CYP4Z1: variants seen among roughly 807,000 people sequenced by gnomAD.
CYP4Z1 encodes cytochrome P450 4Z1.
A neutral mutation model predicts 54.2 loss-of-function variants in CYP4Z1; 41 were observed. That is an observed-to-expected ratio of 0.76 (90% confidence interval 0.59 to 0.98). CYP4Z1 has a LOEUF of 0.98. CYP4Z1 is among the 50% of genes least tolerant of loss of function. CYP4Z1 has a pLI of 0.00. For missense variants in CYP4Z1, 513 were observed against 599.0 expected (o/e 0.86, Z 1.50); for synonymous variants, 163 against 206.2 (o/e 0.79, Z 1.79).
chr1:47,112,612 C>G lies in CYP4Z1; in HGVS notation c.1202-2917C>G, dbSNP rs111704906. Among the ~76,000 whole-genome samples, 831 of 152,144 alleles carry G rather than the reference C, an allele frequency of 5.5e-3. 8 individuals carry two copies. Among genetic ancestry groups the G allele is most frequent in the African/African-American group, 0.019 (787 of 41,512 alleles). Reference sequence around the variant, plus strand: ...TAAATAAAATATTAGTACACATAATCCAATAGCTCATTGAAATAAATGTAT... The same window carrying G: ...TAAATAAAATATTAGTACACATAATGCAATAGCTCATTGAAATAAATGTAT... On this transcript the variant is annotated intron_variant, in intron 9 of 11. Transcript: ENST00000334194.
chr1:47,058,306 GTCCTTGCTC>G, the CYP4Z1 span, among the ~76,000 whole-genome samples: 4 of 151,914 alleles, frequency 2.6e-5, no homozygotes, highest in African/African-American at 7.3e-5. Flanking sequence ...TTAAAATGGT[GTCCTTGCTC>G]CAATAAAGAC....
chr1:47,079,287 C>T (rs1644546999), intron 2 of CYP4Z1, among the ~76,000 whole-genome samples: 2 of 152,250 alleles, frequency 1.3e-5, no homozygotes, highest in African/African-American at 4.8e-5. Context: ...TCTTTTCTAT[C>T]CTTTTTCAGT....
At chr1:47,060,333 G>A in the CYP4Z1 span, among the ~76,000 whole-genome samples, 1 of 152,104 alleles carries the variant, frequency 6.6e-6, no homozygotes, top group Non-Finnish European at 1.5e-5. Flanking sequence ...AACATAATGA[G>A]ACTCATAGGT....
chr1:47,065,493 G>A (rs1319182181), upstream of CYP4Z1, among the ~76,000 whole-genome samples: 1 of 152,008 alleles, frequency 6.6e-6, no homozygotes, highest in African/African-American at 2.4e-5. Flanking sequence ...AACAATAATA[G>A]TGACACAACC....
intron 2 of CYP4Z1, among the ~76,000 whole-genome samples, chr1:47,076,848 A>AAAAAAAAAAAAAAAAAAAAAAAAG (rs1644527408): frequency 6.9e-6 from 1 of 145,802 alleles, no homozygotes; most frequent in Non-Finnish European, 1.5e-5. Context: ...CTGTCTCAAA[A>AAAAAAAAAAAAAAAAAAAAAAAAG]AAAAAAAAAA....
intron 7 of CYP4Z1, among the ~76,000 whole-genome samples, chr1:47,095,173 C>T (rs1373495233): frequency 6.6e-5 from 10 of 152,126 alleles, no homozygotes; most frequent in Non-Finnish European, 1.3e-4. Context: ...CCTTCTTCCT[C>T]GACATGTGGT....
the CYP4Z1 span, among the ~76,000 whole-genome samples, chr1:47,061,769 T>C: frequency 1.3e-5 from 2 of 152,298 alleles, no homozygotes; most frequent in East Asian, 3.9e-4. Flanking sequence ...TGAACATTGA[T>C]GCAAAAATCT....
chr1:47,064,848 A>G (rs915371017), upstream of CYP4Z1, among the ~76,000 whole-genome samples: 4 of 152,194 alleles, frequency 2.6e-5, no homozygotes, highest in Non-Finnish European at 5.9e-5. Flanking sequence ...GGTAAGTGGA[A>G]AAAGATATTC....
chr1:47,069,292 T>C (rs1267465803), intron 2 of CYP4Z1, among the ~76,000 whole-genome samples: 3 of 152,262 alleles, frequency 2.0e-5, no homozygotes, highest in Admixed American at 2.0e-4. Flanking sequence ...CGTGGCAAGA[T>C]GTGTGTAGGA....
At chr1:47,096,881 C>G (rs1162539583) in intron 7 of CYP4Z1, 1 of 152,198 alleles carries the variant, frequency 6.6e-6, no homozygotes, top group Non-Finnish European at 1.5e-5. Flanking sequence ...CTGCCCGCCT[C>G]AGCCTCCCAA....
At chr1:47,077,625 ATT>A (rs879925723) in intron 2 of CYP4Z1, among the ~76,000 whole-genome samples, 2 of 144,846 alleles carry the variant, frequency 1.4e-5, no homozygotes, top group African/African-American at 2.5e-5. Flanking sequence ...TATATGTCTT[ATT>A]TTTTTTTTTT....
chr1:47,113,366 G>A (rs1215817172), intron 9 of CYP4Z1, among the ~76,000 whole-genome samples: 2 of 152,028 alleles, frequency 1.3e-5, no homozygotes, highest in Non-Finnish European at 2.9e-5. Context: ...CTATACATGA[G>A]GTTCCCCTCT....
At chr1:47,065,729 G>T (rs1644446166), upstream of CYP4Z1, among the ~76,000 whole-genome samples, 1 of 151,978 alleles carries the variant, frequency 6.6e-6, no homozygotes, top group African/African-American at 2.4e-5. Context: ...AAAAATAAAT[G>T]AAATGAAAAA....
intron 6 of CYP4Z1, among the ~76,000 whole-genome samples, chr1:47,094,296 A>G (rs989194020): frequency 6.6e-5 from 10 of 152,230 alleles, no homozygotes; most frequent in African/African-American, 2.2e-4. Flanking sequence ...CTCTAAGCAT[A>G]TATGTCAAAC....
Position 47,111,375 on chromosome 1 carries a change from G to A in CYP4Z1, c.1202-4154G>A, listed in dbSNP as rs150096109. 4.6e-3 allele frequency among the ~76,000 whole-genome samples: 704 copies of A among 152,224 alleles called. 5 individuals carry two copies. The highest frequency in any genetic ancestry group is 0.016 in the African/African-American group (662 of 41,534). On this transcript the variant is annotated intron_variant, in intron 9 of 11. Coordinates refer to ENST00000334194, the MANE Select transcript of CYP4Z1 (RefSeq NM_178134.3). ...ATTTTTTGTATTTTTAGTGGAGACG[G>A]GGTTTCACCGTGTTAGCCACGATGG...
intron 2 of CYP4Z1, among the ~76,000 whole-genome samples, chr1:47,073,737 G>A (rs1452290313): frequency 6.6e-6 from 1 of 151,102 alleles, no homozygotes; most frequent in Non-Finnish European, 1.5e-5. Flanking sequence ...TTGTTTGCTG[G>A]CCCATTGTTT....
chr1:47,094,990 TAAC>T (rs1557628891), intron 7 of CYP4Z1, among the ~76,000 whole-genome samples: 2 of 152,142 alleles, frequency 1.3e-5, no homozygotes, highest in African/African-American at 2.4e-5. Context: ...AAAATTAAAA[TAAC>T]AAATAAATAA....
chr1:47,084,841 T>C lies in CYP4Z1; in HGVS notation c.635T>C (p.Leu212Pro). 1 of 1,521,302 alleles carries C rather than the reference T, an allele frequency of 6.6e-7. No homozygotes were observed. Among genetic ancestry groups the C allele is most frequent in the South Asian group, 1.3e-5 (1 of 75,024 alleles). 94.2% of individuals were successfully genotyped at this position (1,521,302 alleles called of 1,614,324 possible). ...TATTCCAGTACCCTGGACTCATACC[T>C]GAAAGCAGTGTTCAACCTTAGCAAA... is the stretch of plus-strand genomic sequence containing the variant. ...IQLDSTLDSY[L>P]KAVFNLSKIS... Residue 212 changes from leucine (L) to proline (P), a missense_variant, in exon 6 of 12, where the codon CTG becomes CCG. Coordinates refer to ENST00000334194, the MANE Select transcript of CYP4Z1 (RefSeq NM_178134.3).
At chr1:47,064,590 T>A (rs537951922), upstream of CYP4Z1, among the ~76,000 whole-genome samples, 1 of 151,988 alleles carries the variant, frequency 6.6e-6, no homozygotes, top group East Asian at 1.9e-4. Flanking sequence ...AAATAGAACC[T>A]CCTTAAAGCA....
Sources: gnomAD v4.1 joint callset for allele counts (sites outside exome capture counted in the v4.1 genomes callset) on GRCh38, gnomAD v4.1.1 for gene constraint, MANE v1.5 for transcripts, NCBI Gene and HGNC (gene_info 2026-07-23, HGNC 2026-07-21) for gene names.